Variants in SHISA9 observed in about 807,000 individuals in gnomAD.
SHISA9 encodes shisa family member 9, also known as protein shisa-9.
SHISA9 carries 13 observed loss-of-function variants against 38.0 expected under a neutral mutation model. The observed-to-expected ratio is 0.34, with a 90% CI of 0.22 to 0.54. SHISA9 has a LOEUF of 0.54. Ranked by LOEUF, SHISA9 falls within the 20% of genes least tolerant of loss-of-function variation. SHISA9 has a pLI of 0.91. For synonymous variants in SHISA9, 275 were observed against 242.0 expected, an observed-to-expected ratio of 1.14 and a Z score of -1.27; for missense variants, 538 against 575.8, an observed-to-expected ratio of 0.93 and a Z score of 0.67.
the SHISA9 span, among the ~76,000 whole-genome samples, chr16:13,523,906 A>G: frequency 6.6e-6 from 1 of 152,160 alleles, no homozygotes; most frequent in Non-Finnish European, 1.5e-5. Flanking sequence ...CTGTATATGC[A>G]TTGTCCTCTT....
At chr16:13,046,931 C>T (rs1211736629) in intron 2 of SHISA9, among the ~76,000 whole-genome samples, 2 of 152,150 alleles carry the variant, frequency 1.3e-5, no homozygotes, top group African/African-American at 4.8e-5. Flanking sequence ...TTATTTACCC[C>T]TCATGATCTC....
chr16:12,952,193 C>A (rs2071767106), intron 2 of SHISA9, among the ~76,000 whole-genome samples: 1 of 152,220 alleles, frequency 6.6e-6, no homozygotes, highest in Admixed American at 6.5e-5. Flanking sequence ...AACAGCAGCA[C>A]TGCAGCTCAT....
chr16:12,938,415 C>T (rs1480754368), intron 2 of SHISA9, among the ~76,000 whole-genome samples: 2 of 152,222 alleles, frequency 1.3e-5, no homozygotes, highest in African/African-American at 2.4e-5. Context: ...ACTCCCATGA[C>T]TCTTTCTTAG....
the SHISA9 span, among the ~76,000 whole-genome samples, chr16:13,476,288 T>C: frequency 6.6e-6 from 1 of 152,176 alleles, no homozygotes; most frequent in Non-Finnish European, 1.5e-5. Flanking sequence ...AGACCACTTA[T>C]TCATCCTGAT....
intron 2 of SHISA9, among the ~76,000 whole-genome samples, chr16:13,082,780 G>T (rs1380065266): frequency 6.6e-6 from 1 of 152,138 alleles, no homozygotes; most frequent in East Asian, 1.9e-4. Flanking sequence ...ATGTGTGGGT[G>T]GGGGGCTGAA....
chr16:13,493,252 A>G, the SHISA9 span, among the ~76,000 whole-genome samples: 1 of 152,084 alleles, frequency 6.6e-6, no homozygotes, highest in Non-Finnish European at 1.5e-5. Flanking sequence ...CACTGCCCCC[A>G]ATACCATTCT....
intron 4 of SHISA9, among the ~76,000 whole-genome samples, chr16:13,232,615 A>G (rs2051342427): frequency 6.6e-6 from 1 of 152,202 alleles, no homozygotes; most frequent in Non-Finnish European, 1.5e-5. Flanking sequence ...TATACATTTT[A>G]GGGAGGTATG....
the SHISA9 span, among the ~76,000 whole-genome samples, chr16:13,271,938 G>A: frequency 6.6e-6 from 1 of 152,170 alleles, no homozygotes; most frequent in South Asian, 2.1e-4. Flanking sequence ...AATTAGCCGG[G>A]CATGGTAGCA....
At chr16:13,403,919 T>G in the SHISA9 span, among the ~76,000 whole-genome samples, 1 of 152,180 alleles carries the variant, frequency 6.6e-6, no homozygotes, top group African/African-American at 2.4e-5. Flanking sequence ...GGTCTTCTGA[T>G]GTTTGGGTGG....
At chr16:13,095,453 C>G (rs575462299) in intron 2 of SHISA9, among the ~76,000 whole-genome samples, 101 of 152,334 alleles carry the variant, frequency 6.6e-4, no homozygotes, top group African/African-American at 2.3e-3. Context: ...TGTGTGGCCA[C>G]CTCACTGGGC....
chr16:13,431,498 G>T, the SHISA9 span, among the ~76,000 whole-genome samples: 2 of 152,184 alleles, frequency 1.3e-5, no homozygotes, highest in Non-Finnish European at 2.9e-5. Context: ...TAAATGGCCA[G>T]CATCAAAACA....
At chr16:13,227,988 A>T (rs1193602071) in intron 4 of SHISA9, among the ~76,000 whole-genome samples, 1 of 152,198 alleles carries the variant, frequency 6.6e-6, no homozygotes, top group African/African-American at 2.4e-5. Context: ...GAATAGGTAA[A>T]ATATAGGTAT....
At chr16:13,057,526 C>T (rs939783076) in intron 2 of SHISA9, among the ~76,000 whole-genome samples, 47 of 152,126 alleles carry the variant, frequency 3.1e-4, no homozygotes, top group Non-Finnish European at 1.2e-4. Flanking sequence ...ACCATAGATC[C>T]ATCAAATCAG....
chr16:13,069,628 C>G lies in SHISA9; in HGVS notation c.692-133766C>G, dbSNP rs1462302840. Among the ~76,000 whole-genome samples, 3 of 152,068 alleles carry G rather than the reference C, an allele frequency of 2.0e-5. No individual in the cohort carries two copies. The South Asian group carries it at 6.2e-4, about 32-fold the overall frequency. ...ATGTGTGTACATGCAATGTGTGTGT[C>G]TGTGTACATAAATGTAAATGTGTGT... On this transcript the variant is annotated intron_variant, in intron 2 of 4. Coordinates refer to ENST00000558583, the MANE Select transcript of SHISA9 (RefSeq NM_001145204.3).
At chr16:12,940,209 C>T (rs1024240848) in intron 2 of SHISA9, among the ~76,000 whole-genome samples, 2 of 152,174 alleles carry the variant, frequency 1.3e-5, no homozygotes, top group African/African-American at 4.8e-5. Flanking sequence ...AGAGCTTGGG[C>T]TTGGGGGCCC....
the SHISA9 span, among the ~76,000 whole-genome samples, chr16:13,341,516 T>A: frequency 6.6e-6 from 1 of 152,174 alleles, no homozygotes; most frequent in Non-Finnish European, 1.5e-5. Context: ...GCAATGATGA[T>A]GACCATCACT....
the SHISA9 span, among the ~76,000 whole-genome samples, chr16:13,532,088 C>G: frequency 6.6e-6 from 1 of 152,184 alleles, no homozygotes; most frequent in Non-Finnish European, 1.5e-5. Context: ...ATTTCATAAC[C>G]TGGGCCAATT....
the SHISA9 span, among the ~76,000 whole-genome samples, chr16:13,284,371 G>A: frequency 6.6e-6 from 1 of 152,006 alleles, no homozygotes; most frequent in Non-Finnish European, 1.5e-5. Context: ...CCCTTCCATG[G>A]ACAAAAACAG....
At chr16:13,192,322 T>C (rs1347034263) in intron 2 of SHISA9, among the ~76,000 whole-genome samples, 1 of 152,170 alleles carries the variant, frequency 6.6e-6, no homozygotes, top group African/African-American at 2.4e-5. Context: ...GACCCTGACC[T>C]TTATATAATA....
Sources: gnomAD v4.1 joint callset for allele counts (sites outside exome capture counted in the v4.1 genomes callset) on GRCh38, gnomAD v4.1.1 for gene constraint, MANE v1.5 for transcripts, NCBI Gene and HGNC (gene_info 2026-07-23, HGNC 2026-07-21) for gene names.